Variants in BANP observed in about 807,000 individuals in gnomAD.
BANP encodes the protein BTG3 associated nuclear protein.
A neutral mutation model predicts 68.1 loss-of-function variants in BANP; 11 were observed. That is an observed-to-expected ratio of 0.16 (90% CI 0.10 to 0.27). BANP has a LOEUF of 0.27. Ranked by LOEUF, BANP falls within the 10% of genes least tolerant of loss-of-function variation. BANP has a pLI of 1.00. For missense variants in BANP, 504 were observed against 722.7 expected, an observed-to-expected ratio of 0.70 and a Z score of 3.47; for synonymous variants, 329 against 303.2, an observed-to-expected ratio of 1.09 and a Z score of -0.88.
chr16:87,990,812 G>C (rs1487697971), intron 4 of BANP, among the ~76,000 whole-genome samples: 1 of 152,114 alleles, frequency 6.6e-6, no homozygotes, highest in African/African-American at 2.4e-5. Context: ...GCCCAGGCTG[G>C]AGTGCAGTGG....
chr16:88,067,962 C>T (rs1385903221), intron 12 of BANP, among the ~76,000 whole-genome samples: 1 of 152,224 alleles, frequency 6.6e-6, no homozygotes, highest in Non-Finnish European at 1.5e-5. Flanking sequence ...CCGTCCCCAA[C>T]AGACCCGCCC....
chr16:88,030,166 C>T (rs554342753), intron 8 of BANP, among the ~76,000 whole-genome samples: 2 of 152,346 alleles, frequency 1.3e-5, no homozygotes, highest in East Asian at 1.9e-4. Context: ...AAAACCTAGA[C>T]ACCCAACAAA....
intron 7 of BANP, 27 bp from the exon 8 acceptor site, chr16:88,027,456 C>T (rs758648068): frequency 1.2e-5 from 19 of 1,612,048 alleles, no homozygotes; most frequent in African/African-American, 6.7e-5. Context: ...CAGGCCTCAC[C>T]GCTTCTCCTT....
chr16:88,070,615 G>T lies in BANP; in HGVS notation c.1378-1454G>T, dbSNP rs1053390791. Among the ~76,000 whole-genome samples, 109 of 152,186 alleles carry T rather than the reference G, an allele frequency of 7.2e-4. 1 individual carries two copies. The highest frequency in any genetic ancestry group is 2.6e-3 in the African/African-American group (106 of 41,512). On this transcript the variant is annotated intron_variant, in intron 12 of 13. Transcript: ENST00000682872. ...CCAGGGGGGATGGGTTTTCAGCTTT[G>T]GGGGGCACACCTGGTCTCATCACAG... is the stretch of plus-strand genomic sequence containing the variant.
At chr16:88,034,085 C>T (rs952848871) in intron 9 of BANP, among the ~76,000 whole-genome samples, 7 of 152,180 alleles carry the variant, frequency 4.6e-5, no homozygotes, top group South Asian at 2.1e-4. Context: ...GAGAGTGGGG[C>T]GTGGCTCTCA....
chr16:88,041,684 G>A (rs1307783356), intron 11 of BANP, among the ~76,000 whole-genome samples: 3 of 3,090 alleles, frequency 9.7e-4, no homozygotes, highest in Non-Finnish European at 0.022. Context: ...CACGACACCC[G>A]CATCCTCTGG....
intron 4 of BANP, among the ~76,000 whole-genome samples, chr16:87,996,167 T>C (rs902766906): frequency 2.0e-5 from 3 of 152,156 alleles, no homozygotes; most frequent in Non-Finnish European, 2.9e-5. Context: ...GACGGCGGTG[T>C]CTGGAGTCAC....
intron 1 of BANP, among the ~76,000 whole-genome samples, chr16:87,974,753 C>T (rs1249230664): frequency 6.6e-6 from 1 of 152,106 alleles, no homozygotes; most frequent in Non-Finnish European, 1.5e-5. Flanking sequence ...AGGACGTTTC[C>T]AAGCCAGTGT....
chr16:87,996,201 C>T (rs539381573), intron 4 of BANP, among the ~76,000 whole-genome samples: 11 of 152,296 alleles, frequency 7.2e-5, no homozygotes, highest in East Asian at 1.9e-4. Context: ...GTGGCTCTCT[C>T]GCCCCGTCAT....
intron 11 of BANP, among the ~76,000 whole-genome samples, chr16:88,053,229 A>C (rs1414789757): frequency 1.3e-5 from 2 of 149,280 alleles, no homozygotes; most frequent in African/African-American, 5.0e-5. Flanking sequence ...TCACCAACAC[A>C]ACCACCCTAA....
chr16:88,027,677 G>C (rs761530806), intron 8 of BANP, 27 bp downstream of exon 8: 7 of 1,610,862 alleles, frequency 4.3e-6, no homozygotes, highest in Non-Finnish European at 5.9e-6. Flanking sequence ...AGGAGAGGCC[G>C]CCCTCCCCCG....
chr16:88,076,891 C>T lies in BANP; in HGVS notation c.*230C>T, dbSNP rs1336064856. 1.3e-5 allele frequency: 7 copies of T among 534,274 alleles called. No individual in the cohort carries two copies. Among genetic ancestry groups the T allele is most frequent in the Non-Finnish European group, 2.0e-5 (6 of 302,804 alleles). The allele number at this position is 534,274 out of a possible 1,614,324, so 33.1% of individuals were successfully genotyped here. On this transcript the variant is annotated 3_prime_UTR_variant, in exon 14 of 14. Coordinates refer to ENST00000682872, the MANE Select transcript of BANP (RefSeq NM_001386991.1). ...GAGTCCTGCTGTTGGTGTCGGAGCA[C>T]GAGGGGAGGCACGGTGCGGAGAGCG... is the stretch of plus-strand genomic sequence containing the variant.
intron 1 of BANP, among the ~76,000 whole-genome samples, chr16:87,969,754 G>A (rs563351473): frequency 2.1e-3 from 312 of 151,974 alleles, no homozygotes; most frequent in Non-Finnish European, 3.6e-3. Context: ...GGCTGGTCTC[G>A]AACACCTGAC....
At chr16:88,024,597 A>G (rs1334506502) in intron 7 of BANP, among the ~76,000 whole-genome samples, 2 of 152,240 alleles carry the variant, frequency 1.3e-5, no homozygotes, top group African/African-American at 4.8e-5. Flanking sequence ...GCTGCTGTCC[A>G]GTAGCATCTG....
intron 9 of BANP, 131 bp downstream of exon 9, chr16:88,033,376 C>A: frequency 5.1e-6 from 5 of 989,734 alleles, no homozygotes; most frequent in Middle Eastern, 6.7e-4. Flanking sequence ...GGCACAAGGT[C>A]CCCATTTAAA....
intron 4 of BANP, among the ~76,000 whole-genome samples, chr16:88,001,412 G>A (rs528665598): frequency 5.3e-5 from 8 of 152,380 alleles, no homozygotes; most frequent in East Asian, 3.9e-4. Context: ...ACATACATGC[G>A]CAGCTGGACT....
At chr16:88,063,346 T>C (rs564757598) in intron 11 of BANP, among the ~76,000 whole-genome samples, 2 of 152,348 alleles carry the variant, frequency 1.3e-5, no homozygotes, top group South Asian at 4.1e-4. Flanking sequence ...GGAGTTGTGT[T>C]GTCGTTGTGG....
intron 4 of BANP, among the ~76,000 whole-genome samples, chr16:87,992,532 G>T (rs368979240): frequency 6.6e-6 from 1 of 152,246 alleles, no homozygotes; most frequent in East Asian, 1.9e-4. Context: ...GGTGGCTCAT[G>T]CCTATAATCC....
chr16:87,974,561 A>T (rs1025462824), intron 1 of BANP, among the ~76,000 whole-genome samples: 1 of 152,198 alleles, frequency 6.6e-6, no homozygotes, highest in Non-Finnish European at 1.5e-5. Flanking sequence ...GGATGCGTGC[A>T]GCTGGGAGAA....
Sources: gnomAD v4.1 joint callset for allele counts (sites outside exome capture counted in the v4.1 genomes callset) on GRCh38, gnomAD v4.1.1 for gene constraint, MANE v1.5 for transcripts, NCBI Gene and HGNC (gene_info 2026-07-23, HGNC 2026-07-21) for gene names.